NEO1: variants seen among roughly 807,000 people sequenced by gnomAD.
NEO1 encodes neogenin 1.
A neutral mutation model predicts 159.7 loss-of-function variants in NEO1; 63 were observed. The ratio of observed to expected loss-of-function variants is 0.39; its 90% CI spans 0.32 to 0.49. NEO1 has a LOEUF of 0.49. NEO1 is among the 20% of genes least tolerant of loss of function. The pLI is 0.85. For missense variants in NEO1, 1,615 were observed against 1,831.0 expected, an observed-to-expected ratio of 0.88 and a Z score of 2.15; for synonymous variants, 633 against 662.0, an observed-to-expected ratio of 0.96 and a Z score of 0.67.
At chr15:73,290,323 C>T (rs1000325887) in intron 25 of NEO1, among the ~76,000 whole-genome samples, 7 of 146,304 alleles carry the variant, frequency 4.8e-5, no homozygotes, top group Non-Finnish European at 9.0e-5. Context: ...TCACTGCAGC[C>T]TCCACCTCCC....
chr15:73,256,297 C>G (rs2040345910), intron 13 of NEO1, among the ~76,000 whole-genome samples: 1 of 151,848 alleles, frequency 6.6e-6, no homozygotes, highest in Non-Finnish European at 1.5e-5. Context: ...GTCAGGAGTT[C>G]AAGACCAGCC....
intron 1 of NEO1, among the ~76,000 whole-genome samples, chr15:73,086,647 T>A (rs539674253): frequency 1.1e-3 from 167 of 145,868 alleles, no homozygotes; most frequent in African/African-American, 4.1e-3. Flanking sequence ...CACTGCAACC[T>A]CTGCATCCTG....
rs181244105 is a variant in NEO1, at chr15:73,284,805, C to A, written c.3410+1694C>A. Among the ~76,000 whole-genome samples, 355 of 151,898 alleles carry A rather than the reference C, an allele frequency of 2.3e-3. 2 individuals carry two copies. The highest frequency in any genetic ancestry group is 8.2e-3 in the African/African-American group (339 of 41,438). ...GTTTCACCATGTTGGCCAGGCTGGTCTCGAATTCCCGACCTCAAATGATCC... is the reference window on the plus strand; with the variant it reads ...GTTTCACCATGTTGGCCAGGCTGGTATCGAATTCCCGACCTCAAATGATCC... On this transcript the variant is annotated intron_variant, in intron 23 of 28. Transcript: ENST00000261908.
intron 5 of NEO1, among the ~76,000 whole-genome samples, chr15:73,138,681 G>A (rs925062467): frequency 2.6e-5 from 4 of 151,532 alleles, no homozygotes; most frequent in South Asian, 4.2e-4. Context: ...GCGTGAACCT[G>A]GGAAGCCGAG....
At chr15:73,133,958 T>C (rs994943519) in intron 4 of NEO1, among the ~76,000 whole-genome samples, 16 of 152,206 alleles carry the variant, frequency 1.1e-4, no homozygotes, top group African/African-American at 2.9e-4. Context: ...TTATTAGATA[T>C]AAATTACTGT....
At chr15:73,246,439 G>A (rs950920315) in intron 9 of NEO1, among the ~76,000 whole-genome samples, 6 of 152,156 alleles carry the variant, frequency 3.9e-5, no homozygotes, top group Non-Finnish European at 8.8e-5. Flanking sequence ...TAGGTTTCAA[G>A]CTCAGTTACC....
intron 1 of NEO1, among the ~76,000 whole-genome samples, chr15:73,060,682 C>CT (rs1373928064): frequency 6.6e-6 from 1 of 152,052 alleles, no homozygotes; most frequent in Admixed American, 6.6e-5. Flanking sequence ...GGCTCTCACT[C>CT]TATCACCCAG....
At chr15:73,066,554 A>G (rs940268541) in intron 1 of NEO1, among the ~76,000 whole-genome samples, 1 of 152,104 alleles carries the variant, frequency 6.6e-6, no homozygotes, top group Non-Finnish European at 1.5e-5. Flanking sequence ...CTGTCTTCTC[A>G]GGATTTACCT....
chr15:73,272,691 T>C, intron 19 of NEO1, 129 bp downstream of exon 19: 1 of 669,062 alleles, frequency 1.5e-6, no homozygotes, highest in South Asian at 1.8e-5. Flanking sequence ...TGGTAAGGTG[T>C]GAGTCATGAT....
intron 7 of NEO1, among the ~76,000 whole-genome samples, chr15:73,190,632 G>A (rs2036188965): frequency 6.6e-6 from 1 of 152,130 alleles, no homozygotes; most frequent in Admixed American, 6.6e-5. Context: ...CTCATTAGTG[G>A]AATATTTTAA....
At chr15:73,268,132 CAT>C (rs764666786) in intron 16 of NEO1, among the ~76,000 whole-genome samples, 7 of 152,136 alleles carry the variant, frequency 4.6e-5, no homozygotes, top group Non-Finnish European at 8.8e-5. Context: ...AAGACTACTA[CAT>C]GTTTGGTAGT....
intron 1 of NEO1, among the ~76,000 whole-genome samples, chr15:73,069,199 C>T (rs576249456): frequency 2.1e-5 from 3 of 144,892 alleles, no homozygotes; most frequent in South Asian, 2.2e-4. Flanking sequence ...TGGGCTTAAG[C>T]GATCCTCCCT....
At chr15:73,243,503 C>T (rs2039595955) in intron 8 of NEO1, among the ~76,000 whole-genome samples, 1 of 152,184 alleles carries the variant, frequency 6.6e-6, no homozygotes, top group Non-Finnish European at 1.5e-5. Flanking sequence ...AAAACAAATT[C>T]CTTCACAATA....
At position 73,224,865 on chromosome 15, in the gene NEO1, G is replaced by A. The variant is rs567768806; in HGVS notation, c.1292-11482G>A. On this transcript the variant is annotated intron_variant, in intron 7 of 28. Coordinates refer to ENST00000261908, the MANE Select transcript of NEO1 (RefSeq NM_002499.4). ...TGAACTAGTATGATTTTTTGGGGGG[G>A]GTGTTAAAGAGCCTAGTTTTGTCGT... Among the ~76,000 whole-genome samples the A allele has an allele frequency of 2.6e-5, 4 of 151,944 alleles. No homozygotes were observed. The South Asian group carries it at 8.3e-4, about 32-fold the overall frequency.
At chr15:73,117,697 C>T (rs750069685) in intron 2 of NEO1, among the ~76,000 whole-genome samples, 8 of 152,158 alleles carry the variant, frequency 5.3e-5, no homozygotes, top group Non-Finnish European at 1.0e-4. Flanking sequence ...TTTGCTTATA[C>T]ATTCAGAGCA....
intron 7 of NEO1, among the ~76,000 whole-genome samples, chr15:73,232,903 A>G (rs2038984463): frequency 6.6e-6 from 1 of 152,198 alleles, no homozygotes; most frequent in African/African-American, 2.4e-5. Context: ...TAGCAGAGCT[A>G]GAGGGGGATG....
intron 7 of NEO1, among the ~76,000 whole-genome samples, chr15:73,182,938 A>G (rs1217459830): frequency 2.0e-5 from 3 of 152,186 alleles, no homozygotes; most frequent in Non-Finnish European, 2.9e-5. Flanking sequence ...TTGGCAGAAC[A>G]CAAGAGAAAG....
chr15:73,235,758 A>C (rs1272314622), intron 7 of NEO1, among the ~76,000 whole-genome samples: 1 of 152,252 alleles, frequency 6.6e-6, no homozygotes, highest in Non-Finnish European at 1.5e-5. Context: ...GTTTAATATT[A>C]GACTAAAGTT....
intron 7 of NEO1, among the ~76,000 whole-genome samples, chr15:73,200,438 G>A (rs868446287): frequency 3.3e-5 from 5 of 150,466 alleles, no homozygotes; most frequent in Non-Finnish European, 3.0e-5. Flanking sequence ...AAGAAATTAA[G>A]AGAGAGAGGG....
Sources: gnomAD v4.1 joint callset for allele counts (sites outside exome capture counted in the v4.1 genomes callset) on GRCh38, gnomAD v4.1.1 for gene constraint, MANE v1.5 for transcripts, NCBI Gene and HGNC (gene_info 2026-07-23, HGNC 2026-07-21) for gene names.